CHMP3: variants seen among roughly 807,000 people sequenced by gnomAD.
The protein encoded by CHMP3 is charged multivesicular body protein 3.
CHMP3 carries 8 observed loss-of-function variants against 27.4 expected under a neutral mutation model. That is an observed-to-expected ratio of 0.29 (90% CI 0.17 to 0.53). The LOEUF is 0.53. CHMP3 is among the 20% of genes least tolerant of loss of function. The pLI is 0.96. For missense variants in CHMP3, 208 were observed against 271.5 expected (o/e 0.77, Z 1.64); for synonymous variants, 86 against 85.5 (o/e 1.01, Z -0.03).
At chr2:86,551,333 T>C (rs952643778) in intron 1 of CHMP3, among the ~76,000 whole-genome samples, 6 of 151,548 alleles carry the variant, frequency 4.0e-5, no homozygotes, top group African/African-American at 1.5e-4. Context: ...CTCGGCTCAC[T>C]GCAACCTCTG....
At chr2:86,507,664 T>C in intron 4 of CHMP3, 71 bp from the exon 5 acceptor site, 2 of 1,340,586 alleles carry the variant, frequency 1.5e-6, no homozygotes, top group Non-Finnish European at 2.1e-6. Context: ...ACACATCACC[T>C]AGACCGAGCT....
intron 3 of CHMP3, among the ~76,000 whole-genome samples, chr2:86,523,245 C>T (rs192531519): frequency 4.1e-4 from 63 of 152,256 alleles, no homozygotes; most frequent in South Asian, 8.3e-4. Context: ...ACATGCTAGC[C>T]ATCCAAGTTG....
intron 1 of CHMP3, among the ~76,000 whole-genome samples, chr2:86,546,145 G>A (rs1185682261): frequency 6.6e-6 from 1 of 152,186 alleles, no homozygotes; most frequent in Non-Finnish European, 1.5e-5. Context: ...CAGATCACTC[G>A]AGGTCAGGAG....
chr2:86,525,065 T>A (rs1675648229), intron 3 of CHMP3, among the ~76,000 whole-genome samples: 1 of 152,268 alleles, frequency 6.6e-6, no homozygotes. Context: ...ATCATTAACA[T>A]CTTTCTGTAG....
chr2:86,538,335 G>A (rs1001337656), intron 2 of CHMP3, among the ~76,000 whole-genome samples: 3 of 152,150 alleles, frequency 2.0e-5, no homozygotes, highest in African/African-American at 7.2e-5. Context: ...AACAGATCTG[G>A]AGATGGATAG....
At chr2:86,553,312 A>C (rs1017198799) in intron 1 of CHMP3, among the ~76,000 whole-genome samples, 1 of 152,076 alleles carries the variant, frequency 6.6e-6, no homozygotes, top group Non-Finnish European at 1.5e-5. Context: ...TTACAATGCT[A>C]TAAGTAGAAA....
intron 2 of CHMP3, among the ~76,000 whole-genome samples, chr2:86,536,133 C>T (rs1676129972): frequency 6.7e-6 from 1 of 149,086 alleles, no homozygotes; most frequent in Non-Finnish European, 1.5e-5. Context: ...GTAGCTGGGA[C>T]TACAGGCGCC....
At chr2:86,549,939 G>A (rs113804030) in intron 1 of CHMP3, among the ~76,000 whole-genome samples, 13 of 152,148 alleles carry the variant, frequency 8.5e-5, no homozygotes, top group African/African-American at 2.4e-4. Context: ...GACAATGGGC[G>A]GCTGGGCTGA....
At chr2:86,555,280 A>G (rs930336096) in intron 1 of CHMP3, among the ~76,000 whole-genome samples, 1 of 152,244 alleles carries the variant, frequency 6.6e-6, no homozygotes. Context: ...GCAGAAAGAA[A>G]TCATACCAAA....
At chr2:86,559,847 GT>G (rs1558665094) in intron 1 of CHMP3, among the ~76,000 whole-genome samples, 1 of 152,158 alleles carries the variant, frequency 6.6e-6, no homozygotes, top group African/African-American at 2.4e-5. Context: ...AGGTCAAACT[GT>G]TTCTGATCAT....
At chr2:86,542,414 A>C (rs1676403098) in intron 1 of CHMP3, 102 bp from the exon 2 acceptor site, 1 of 1,183,176 alleles carries the variant, frequency 8.5e-7, no homozygotes. Flanking sequence ...ACAGACACAA[A>C]ATTTAAAAAG....
chr2:86,553,139 A>G (rs1676976131), intron 1 of CHMP3, among the ~76,000 whole-genome samples: 1 of 151,908 alleles, frequency 6.6e-6, no homozygotes, highest in South Asian at 2.1e-4. Flanking sequence ...CCACCATGGC[A>G]CATGTTTACC....
At chr2:86,554,733 A>T (rs1320709994) in intron 1 of CHMP3, among the ~76,000 whole-genome samples, 4 of 152,070 alleles carry the variant, frequency 2.6e-5, no homozygotes, top group African/African-American at 9.7e-5. Context: ...ACAAGCATAC[A>T]GGTATTAGAA....
intron 1 of CHMP3, among the ~76,000 whole-genome samples, chr2:86,543,760 T>C (rs1676451884): frequency 6.6e-6 from 1 of 152,244 alleles, no homozygotes; most frequent in Admixed American, 6.5e-5. Context: ...TTATTTAGGT[T>C]GACCAACTCC....
In CHMP3 at chr2:86,542,282, C is replaced by T. The variant is rs548843054; in HGVS notation, c.76G>A (p.Glu26Lys). The T allele has an allele frequency of 1.2e-6, 2 of 1,613,494 alleles. No homozygotes were observed. Among genetic ancestry groups the T allele is most frequent in the Admixed American group, 3.3e-5 (2 of 60,000 alleles). ...VNEWSLKIRK[E>K]MRVVDRQIRD... ...ATTTGCCTGTCAACAACTCTCATTT[C>T]CTTTCTTATCTTCAATGACCACTCA... The change falls in exon 2 of 6, where the codon GAA (glutamate) becomes AAA (lysine). Residue 26 changes from glutamate (E) to lysine (K), a missense_variant. Coordinates refer to ENST00000263856, the MANE Select transcript of CHMP3 (RefSeq NM_016079.4).
rs1164805959 is a variant in CHMP3, at chr2:86,504,143, C to T, written c.*1661G>A. On this transcript the variant is annotated 3_prime_UTR_variant, in exon 6 of 6. Coordinates refer to ENST00000263856, the MANE Select transcript of CHMP3 (RefSeq NM_016079.4). The stretch of plus-strand genomic sequence containing the variant: ...GGTGAAGCATAGAGAAGTTTTAGGG[C>T]AGTGAAACTATTCTGTATGATTCTA... The T allele has an allele frequency of 6.6e-6, 1 of 152,128 alleles. No homozygotes were observed. The highest frequency in any genetic ancestry group is 1.5e-5 in the Non-Finnish European group (1 of 68,030). The allele number at this position is 152,128 out of a possible 1,614,324, so 9.4% of individuals were successfully genotyped here. A position where few individuals can be genotyped will look rare whatever the true frequency, so the allele number is the denominator to read the frequency against.
intron 1 of CHMP3, among the ~76,000 whole-genome samples, chr2:86,556,823 C>G (rs572512146): frequency 6.6e-6 from 1 of 152,274 alleles, no homozygotes; most frequent in East Asian, 1.9e-4. Context: ...TCCCCTAGCC[C>G]GCTTTTTCAC....
chr2:86,541,559 ACT>A (rs1473568341), intron 2 of CHMP3, among the ~76,000 whole-genome samples: 1 of 151,562 alleles, frequency 6.6e-6, no homozygotes, highest in Non-Finnish European at 1.5e-5. Flanking sequence ...TCATATTAAG[ACT>A]CTCTGTCTTT....
At chr2:86,560,090 T>C (rs959129203) in intron 1 of CHMP3, among the ~76,000 whole-genome samples, 7 of 151,970 alleles carry the variant, frequency 4.6e-5, no homozygotes, top group Middle Eastern at 3.2e-3. Context: ...ACGGTGAAAC[T>C]CTGTCTCTAC....
Sources: gnomAD v4.1 joint callset for allele counts (sites outside exome capture counted in the v4.1 genomes callset) on GRCh38, gnomAD v4.1.1 for gene constraint, MANE v1.5 for transcripts, NCBI Gene and HGNC (gene_info 2026-07-23, HGNC 2026-07-21) for gene names.